HLCS: variants seen among roughly 807,000 people sequenced by gnomAD.
HLCS encodes the protein biotin--protein ligase.
HLCS carries 53 observed loss-of-function variants against 75.0 expected under a neutral mutation model. That is an observed-to-expected ratio of 0.71 (90% CI 0.57 to 0.89). HLCS has a LOEUF of 0.89. HLCS is among the 40% of genes least tolerant of loss of function. The pLI, the probability that HLCS is intolerant of heterozygous loss-of-function variation, is 0.00. For missense variants in HLCS, 966 were observed against 1,074.0 expected (o/e 0.90, Z 1.41); for synonymous variants, 431 against 428.6 (o/e 1.01, Z -0.07).
At chr21:36,894,291 C>T (rs746505001) in intron 6 of HLCS, among the ~76,000 whole-genome samples, 4 of 152,218 alleles carry the variant, frequency 2.6e-5, no homozygotes, top group Non-Finnish European at 5.9e-5. Flanking sequence ...GTAAACTACC[C>T]AGTCTCAGTT....
chr21:36,761,891 C>T (rs1244282747), intron 8 of HLCS, among the ~76,000 whole-genome samples: 1 of 152,242 alleles, frequency 6.6e-6, no homozygotes, highest in Non-Finnish European at 1.5e-5. Context: ...AGCTCCTCCG[C>T]CACGTGCGTG....
intron 5 of HLCS, among the ~76,000 whole-genome samples, chr21:36,898,676 T>C (rs2065115601): frequency 6.6e-6 from 1 of 151,906 alleles, no homozygotes; most frequent in Non-Finnish European, 1.5e-5. Flanking sequence ...TTGAACAAAC[T>C]AGCTGGAAAG....
chr21:36,901,117 T>C (rs2065219715), intron 5 of HLCS, among the ~76,000 whole-genome samples: 2 of 152,004 alleles, frequency 1.3e-5, no homozygotes, highest in Admixed American at 6.6e-5. Flanking sequence ...AAAAATTAGC[T>C]GGGCATGGTG....
intron 8 of HLCS, among the ~76,000 whole-genome samples, chr21:36,762,436 G>T (rs760175489): frequency 6.6e-6 from 1 of 152,186 alleles, no homozygotes; most frequent in Non-Finnish European, 1.5e-5. Context: ...GAGAATGGGC[G>T]GCCCAAGGCG....
chr21:36,945,578 TGA>T (rs1407706761), intron 2 of HLCS, among the ~76,000 whole-genome samples: 2 of 152,210 alleles, frequency 1.3e-5, no homozygotes, highest in African/African-American at 2.4e-5. Flanking sequence ...CCATATTCTA[TGA>T]GGCTATTTAC....
chr21:36,819,043 G>A (rs2061747559), intron 6 of HLCS, among the ~76,000 whole-genome samples: 1 of 152,174 alleles, frequency 6.6e-6, no homozygotes, highest in Non-Finnish European at 1.5e-5. Flanking sequence ...AGGACGAAAT[G>A]CTTGAGCCCC....
intron 6 of HLCS, among the ~76,000 whole-genome samples, chr21:36,769,092 A>T (rs1327925691): frequency 6.6e-6 from 1 of 152,200 alleles, no homozygotes; most frequent in Non-Finnish European, 1.5e-5. Context: ...AGGGGCAGGA[A>T]AAAGGTTGGT....
At chr21:36,856,660 AGC>A (rs2063204798) in intron 6 of HLCS, among the ~76,000 whole-genome samples, 1 of 152,146 alleles carries the variant, frequency 6.6e-6, no homozygotes, top group Non-Finnish European at 1.5e-5. Context: ...CAGTCCCCCC[AGC>A]AACAAAAAGA....
intron 9 of HLCS, chr21:36,759,256 TA>T (rs2038111780): frequency 2.1e-6 from 1 of 469,120 alleles, no homozygotes; most frequent in Non-Finnish European, 4.4e-6. Flanking sequence ...TTGGATGTGC[TA>T]AGGTGAAACA....
In HLCS at chr21:36,906,824, G is replaced by A. The variant is rs561788793; in HGVS notation, c.1621-9693C>T. On this transcript the variant is annotated intron_variant, in intron 5 of 10. Transcript: ENST00000674895. ...CTATAAAGTTGCAGTATATCAAGAC[G>A]GTGTGGTATTGGCACACAGAGATAG... Among the ~76,000 whole-genome samples the A allele has an allele frequency of 7.2e-5, 11 of 152,146 alleles. No individual in the cohort carries two copies. In the South Asian group the frequency reaches 1.7e-3, roughly 23 times the overall value.
chr21:36,806,079 T>C (rs2061351361), intron 6 of HLCS: 1 of 152,170 alleles, frequency 6.6e-6, no homozygotes, highest in African/African-American at 2.4e-5. Context: ...AGAGGGAAAT[T>C]GCGGCCGTCA....
intron 6 of HLCS, among the ~76,000 whole-genome samples, chr21:36,874,021 C>T (rs1045665532): frequency 3.3e-5 from 5 of 152,136 alleles, no homozygotes; most frequent in East Asian, 1.9e-4. Flanking sequence ...TAAAACTTTA[C>T]GATTTTTCAC....
intron 6 of HLCS, among the ~76,000 whole-genome samples, chr21:36,785,114 C>T (rs774679796): frequency 1.4e-4 from 22 of 151,960 alleles, no homozygotes; most frequent in Non-Finnish European, 2.8e-4. Flanking sequence ...GGCCTGAAAA[C>T]CAGTGTGCCT....
At position 36,894,981 on chromosome 21, in the gene HLCS, C is replaced by A. The variant is rs187415089; in HGVS notation, c.1892+1879G>T. Among the ~76,000 whole-genome samples, 50 of 152,142 alleles carry A rather than the reference C, an allele frequency of 3.3e-4. 2 individuals are homozygous for A. Among genetic ancestry groups the A allele is most frequent in the Middle Eastern group, 3.4e-3 (1 of 292 alleles). ...GCGTGTGGTGAAGCCCAGCCCTCTG[C>A]GGATGTGCGGGAGCCTCAGCCTGTC... On this transcript the variant is annotated intron_variant, in intron 6 of 10. Transcript: ENST00000674895.
At chr21:36,771,078 G>C (rs1054339736) in intron 6 of HLCS, among the ~76,000 whole-genome samples, 7 of 152,028 alleles carry the variant, frequency 4.6e-5, no homozygotes, top group Non-Finnish European at 1.0e-4. Flanking sequence ...AAATTAGCTG[G>C]GCATGGTGGC....
intron 6 of HLCS, among the ~76,000 whole-genome samples, chr21:36,794,741 A>G (rs2145894271): frequency 6.6e-6 from 1 of 152,232 alleles, no homozygotes; most frequent in African/African-American, 2.4e-5. Context: ...TGGAAGGAAG[A>G]AAGAGATGTG....
intron 6 of HLCS, among the ~76,000 whole-genome samples, chr21:36,855,536 T>TAAAAAAA (rs71901243): frequency 1.3e-5 from 1 of 75,630 alleles, no homozygotes; most frequent in Admixed American, 1.4e-4. Flanking sequence ...AGACTCCATC[T>TAAAAAAA]AAAAAAAAAA....
chr21:36,862,215 C>T (rs2063403463), intron 6 of HLCS, among the ~76,000 whole-genome samples: 3 of 152,138 alleles, frequency 2.0e-5, no homozygotes, highest in Admixed American at 2.0e-4. Flanking sequence ...TGGGTTGTTC[C>T]CACCTTTTGG....
chr21:36,830,980 C>T (rs73385218), intron 6 of HLCS, among the ~76,000 whole-genome samples: 2,435 of 152,270 alleles, frequency 0.016, 67 homozygotes, highest in African/African-American at 0.056. Flanking sequence ...TCATTGTCAT[C>T]CTCCACCTGC....
Sources: gnomAD v4.1 joint callset for allele counts (sites outside exome capture counted in the v4.1 genomes callset) on GRCh38, gnomAD v4.1.1 for gene constraint, MANE v1.5 for transcripts, NCBI Gene and HGNC (gene_info 2026-07-23, HGNC 2026-07-21) for gene names.